Variants in PNOC observed in about 807,000 individuals in gnomAD.
PNOC encodes nociceptin.
PNOC carries 10 observed loss-of-function variants against 15.6 expected under a neutral mutation model. The ratio of observed to expected loss-of-function variants is 0.64; its 90% CI spans 0.40 to 1.09. The LOEUF (loss-of-function observed/expected upper bound fraction) is 1.09, where lower values mean the gene tolerates loss of function less well. Ranked by LOEUF, PNOC falls within the 50% of genes least tolerant of loss-of-function variation. PNOC has a pLI of 0.01. For missense variants in PNOC, 220 were observed against 223.9 expected (o/e 0.98, Z 0.11); for synonymous variants, 98 against 88.5 (o/e 1.11, Z -0.60).
chr8:28,320,850 C>CAAAAAAAAAAAAAAAAAA (rs900121827), intron 1 of PNOC, among the ~76,000 whole-genome samples: 1 of 58,026 alleles, frequency 1.7e-5, no homozygotes, highest in Non-Finnish European at 3.5e-5. Context: ...GACTCCATCT[C>CAAAAAAAAAAAAAAAAAA]AAAAAAAAAA....
intron 3 of PNOC, among the ~76,000 whole-genome samples, chr8:28,341,724 ATGGAAAC>A (rs1801521708): frequency 6.6e-6 from 1 of 152,220 alleles, no homozygotes; most frequent in African/African-American, 2.4e-5. Flanking sequence ...CAAGTTCTGG[ATGGAAAC>A]TGGAAACATT....
chr8:28,335,820 C>T (rs749708084), intron 2 of PNOC, among the ~76,000 whole-genome samples: 8 of 152,112 alleles, frequency 5.3e-5, no homozygotes, highest in African/African-American at 1.9e-4. Context: ...TGAGCCACTG[C>T]GCCTAGCCGA....
intron 2 of PNOC, among the ~76,000 whole-genome samples, chr8:28,338,031 C>G (rs111255694): frequency 2.6e-5 from 4 of 152,314 alleles, no homozygotes; most frequent in African/African-American, 9.6e-5. Flanking sequence ...GCCTCTGCCC[C>G]AGAAGGTGAC....
In PNOC at chr8:28,326,752, C is replaced by T. The variant is rs570695586; in HGVS notation, c.-23-2383C>T. On this transcript the variant is annotated intron_variant, in intron 1 of 3. Transcript: ENST00000301908. ...GCATGTGCCTGTAATCCCAGCCACTCGGGAGGCTGTGGCATGAGAATCTCT... is the reference window on the plus strand; with the variant it reads ...GCATGTGCCTGTAATCCCAGCCACTTGGGAGGCTGTGGCATGAGAATCTCT... Among the ~76,000 whole-genome samples the T allele has an allele frequency of 4.6e-5, 7 of 152,076 alleles. No homozygotes were observed. In the East Asian group the frequency reaches 9.6e-4, roughly 21 times the overall value.
chr8:28,329,950 T>G (rs990988552), intron 2 of PNOC, among the ~76,000 whole-genome samples: 2 of 151,946 alleles, frequency 1.3e-5, no homozygotes, highest in Admixed American at 6.6e-5. Context: ...TTATTTTTAT[T>G]TATTCATTTT....
At chr8:28,335,759 C>A (rs1044257242) in intron 2 of PNOC, among the ~76,000 whole-genome samples, 1 of 152,090 alleles carries the variant, frequency 6.6e-6, no homozygotes, top group African/African-American at 2.4e-5. Flanking sequence ...AAACTCCCAA[C>A]CTCAGATGAT....
intron 1 of PNOC, among the ~76,000 whole-genome samples, chr8:28,325,529 T>C (rs1054857396): frequency 2.0e-5 from 3 of 151,692 alleles, no homozygotes; most frequent in African/African-American, 4.9e-5. Context: ...GGTGTGCACC[T>C]GTAATCTTGC....
At chr8:28,324,661 C>T (rs1316797665) in intron 1 of PNOC, among the ~76,000 whole-genome samples, 2 of 152,118 alleles carry the variant, frequency 1.3e-5, no homozygotes, top group East Asian at 3.9e-4. Flanking sequence ...GTCAGGAGTT[C>T]GAGACCAGCT....
chr8:28,342,072 C>T (rs73570773), intron 3 of PNOC, among the ~76,000 whole-genome samples: 3,570 of 152,216 alleles, frequency 0.023, 161 homozygotes, highest in African/African-American at 0.083. Flanking sequence ...GGGCCGGGCG[C>T]GGTAGCTCAT....
intron 1 of PNOC, among the ~76,000 whole-genome samples, chr8:28,325,199 A>G (rs1226694209): frequency 6.6e-6 from 1 of 152,104 alleles, no homozygotes; most frequent in Non-Finnish European, 1.5e-5. Context: ...GCCTCCCACT[A>G]TGATGTGCTC....
chr8:28,338,190 A>G (rs1801445872), intron 2 of PNOC, among the ~76,000 whole-genome samples: 1 of 152,166 alleles, frequency 6.6e-6, no homozygotes, highest in Non-Finnish European at 1.5e-5. Flanking sequence ...GCAAATAGGA[A>G]GAAAAGCTGG....
At chr8:28,317,214 G>A (rs1405227772), upstream of PNOC, 1 of 152,852 alleles carries the variant, frequency 6.5e-6, no homozygotes, top group African/African-American at 2.4e-5. Context: ...GCAGGGAAGG[G>A]GAGGGCTGTG....
chr8:28,319,068 T>G (rs1801105711), intron 1 of PNOC, among the ~76,000 whole-genome samples: 1 of 151,766 alleles, frequency 6.6e-6, no homozygotes, highest in Non-Finnish European at 1.5e-5. Context: ...TAACAGCACT[T>G]TACATTTGTA....
rs141614637 is a variant in PNOC, at chr8:28,336,289, T to C, written c.127-2751T>C. On this transcript the variant is annotated intron_variant, in intron 2 of 3. Transcript: ENST00000301908. ...ACTTGTCATATTCCGCCTTAGAAGGTATTGCAATTTAATGACATAAAGCAT... is the reference window on the plus strand; with the variant it reads ...ACTTGTCATATTCCGCCTTAGAAGGCATTGCAATTTAATGACATAAAGCAT... Among the ~76,000 whole-genome samples the C allele has an allele frequency of 1.6e-3, 241 of 152,326 alleles. 2 individuals carry two copies. The highest frequency in any genetic ancestry group is 5.3e-3 in the African/African-American group (222 of 41,572).
At chr8:28,325,417 G>T (rs546752649) in intron 1 of PNOC, among the ~76,000 whole-genome samples, 1 of 152,174 alleles carries the variant, frequency 6.6e-6, no homozygotes, top group African/African-American at 2.4e-5. Context: ...ACTTTGGGAG[G>T]CCGAGGCAGG....
At position 28,327,570 on chromosome 8, in the gene PNOC, C is replaced by CT. The variant is rs34916912; in HGVS notation, c.-23-1551dup. Among the ~76,000 whole-genome samples the CT allele has an allele frequency of 1.7e-3, 243 of 142,996 alleles. 1 individual carries two copies. Among genetic ancestry groups the CT allele is most frequent in the Middle Eastern group, 3.6e-3 (1 of 274 alleles). The allele number at this position is 142,996 out of a possible 152,430, so 93.8% of individuals were successfully genotyped here. ...CTTATAAACAACATAAAATTCTTTTCTTTTTTTTTTTTTTGAGATGGAGTC... is the reference window on the plus strand; with the variant it reads ...CTTATAAACAACATAAAATTCTTTTCTTTTTTTTTTTTTTTGAGATGGAGTC... On this transcript the variant is annotated intron_variant, in intron 1 of 3. Coordinates refer to ENST00000301908, the MANE Select transcript of PNOC (RefSeq NM_006228.5).
chr8:28,327,565 C>CTTTTT (rs1369152376), intron 1 of PNOC, among the ~76,000 whole-genome samples: 4 of 145,566 alleles, frequency 2.7e-5, no homozygotes, highest in East Asian at 2.0e-4. Flanking sequence ...ACATAAAATT[C>CTTTTT]TTTTCTTTTT....
At chr8:28,330,242 C>A (rs2645720) in intron 2 of PNOC, among the ~76,000 whole-genome samples, 1 of 151,464 alleles carries the variant, frequency 6.6e-6, no homozygotes, top group South Asian at 2.1e-4. Flanking sequence ...CACCGTGCCC[C>A]TCCGCATAGC....
chr8:28,341,855 G>A (rs1238746909), intron 3 of PNOC, among the ~76,000 whole-genome samples: 1 of 152,126 alleles, frequency 6.6e-6, no homozygotes, highest in East Asian at 1.9e-4. Context: ...ATATTTATAA[G>A]TCTATAACAG....
Sources: gnomAD v4.1 joint callset for allele counts (sites outside exome capture counted in the v4.1 genomes callset) on GRCh38, gnomAD v4.1.1 for gene constraint, MANE v1.5 for transcripts, NCBI Gene and HGNC (gene_info 2026-07-23, HGNC 2026-07-21) for gene names.